ENPP3: variants seen among roughly 807,000 people sequenced by gnomAD.
The protein encoded by ENPP3 is ectonucleotide pyrophosphatase/phosphodiesterase 3.
ENPP3 carries 104 observed loss-of-function variants against 117.8 expected under a neutral mutation model. That is an observed-to-expected ratio of 0.88 (90% CI 0.75 to 1.04). The LOEUF is 1.04. Among genes scored for constraint, ENPP3 ranks in the 50% least tolerant of loss-of-function variants. The pLI, the probability that ENPP3 is intolerant of heterozygous loss-of-function variation, is 0.00. For missense variants in ENPP3, 1,026 were observed against 1,051.9 expected (o/e 0.98, Z 0.34); for synonymous variants, 380 against 349.9 (o/e 1.09, Z -0.96).
At chr6:131,726,908 A>G (rs1461862761) in intron 20 of ENPP3, among the ~76,000 whole-genome samples, 3 of 152,216 alleles carry the variant, frequency 2.0e-5, no homozygotes, top group Non-Finnish European at 1.5e-5. Context: ...TGTAGACCTA[A>G]ATAGGAACCG....
In ENPP3 at chr6:131,679,033, CTTTCT is replaced by C. The variant is rs1562446920; in HGVS notation, c.1011+1096_1011+1100del. Among the ~76,000 whole-genome samples the C allele has an allele frequency of 5.4e-3, 534 of 99,296 alleles. 3 individuals carry two copies. Among genetic ancestry groups the C allele is most frequent in the Middle Eastern group, 8.8e-3 (2 of 226 alleles). 65.1% of individuals were successfully genotyped at this position (99,296 alleles called of 152,430 possible). ...TCCTTCCTTCCTTCCTTCCTTCTTT[CTTTCT>C]TTCTTTCTTTCTTTCTTTCTTTCTT... is the stretch of plus-strand genomic sequence containing the variant. On this transcript the variant is annotated intron_variant, in intron 11 of 24. Coordinates refer to ENST00000357639, the MANE Select transcript of ENPP3 (RefSeq NM_005021.5).
At chr6:131,658,771 C>T (rs991071184) in intron 6 of ENPP3, among the ~76,000 whole-genome samples, 4 of 152,148 alleles carry the variant, frequency 2.6e-5, no homozygotes, top group African/African-American at 7.2e-5. Flanking sequence ...TAGCGAGAAC[C>T]GGATCCTGAA....
chr6:131,702,363 T>A (rs2531076), intron 15 of ENPP3, among the ~76,000 whole-genome samples: 27,695 of 139,620 alleles, frequency 0.2, 4,206 homozygotes, highest in African/African-American at 0.41. Context: ...CTCCACAGCA[T>A]ATATCTCACA....
At chr6:131,646,122 T>C (rs1013812130) in intron 2 of ENPP3, among the ~76,000 whole-genome samples, 2 of 152,206 alleles carry the variant, frequency 1.3e-5, no homozygotes, top group African/African-American at 4.8e-5. Context: ...ACCACAATTC[T>C]GCTTACCATA....
At chr6:131,717,214 A>G (rs1013222120) in intron 15 of ENPP3, among the ~76,000 whole-genome samples, 2 of 151,268 alleles carry the variant, frequency 1.3e-5, no homozygotes, top group African/African-American at 2.4e-5. Context: ...TTAATTTGTG[A>G]TTTATTTTTA....
intron 2 of ENPP3, among the ~76,000 whole-genome samples, chr6:131,649,822 T>C (rs975955576): frequency 2.0e-5 from 3 of 152,132 alleles, no homozygotes; most frequent in Admixed American, 6.6e-5. Flanking sequence ...TCACAAAGTG[T>C]TGTTATTACA....
intron 2 of ENPP3, among the ~76,000 whole-genome samples, chr6:131,643,763 T>A (rs1778100980): frequency 6.6e-6 from 1 of 152,200 alleles, no homozygotes; most frequent in Admixed American, 6.5e-5. Context: ...TTATTACAAT[T>A]ACTGGAGATG....
At chr6:131,738,233 C>A in intron 23 of ENPP3, 70 bp downstream of exon 23, 1 of 1,267,166 alleles carries the variant, frequency 7.9e-7, no homozygotes, top group Non-Finnish European at 1.1e-6. Context: ...TTAAGTAAAG[C>A]TCAGTATTTT....
intron 14 of ENPP3, among the ~76,000 whole-genome samples, chr6:131,692,836 TATG>T (rs1047400800): frequency 7.1e-6 from 1 of 141,426 alleles, no homozygotes; most frequent in Non-Finnish European, 1.5e-5. Flanking sequence ...GATATGTATA[TATG>T]ATATGATATA....
At chr6:131,711,660 TG>T (rs1322116066) in intron 15 of ENPP3, among the ~76,000 whole-genome samples, 2 of 117,428 alleles carry the variant, frequency 1.7e-5, no homozygotes, top group Non-Finnish European at 3.2e-5. Flanking sequence ...TGACATTTTT[TG>T]TTTTCTCTAT....
At chr6:131,686,293 C>T (rs1037043185) in intron 14 of ENPP3, among the ~76,000 whole-genome samples, 2 of 152,030 alleles carry the variant, frequency 1.3e-5, no homozygotes, top group African/African-American at 4.8e-5. Flanking sequence ...AAAAGATAAT[C>T]TCTTTACTCA....
chr6:131,684,195 T>C (rs12204520), intron 12 of ENPP3, among the ~76,000 whole-genome samples: 11,363 of 152,184 alleles, frequency 0.075, 822 homozygotes, highest in East Asian at 0.33. Context: ...AGACCAGCCA[T>C]GGGGCATGAG....
At chr6:131,662,450 C>G (rs1363435771) in intron 6 of ENPP3, among the ~76,000 whole-genome samples, 2 of 152,140 alleles carry the variant, frequency 1.3e-5, no homozygotes, top group African/African-American at 4.8e-5. Context: ...CCATGTTGTC[C>G]AGGCTGGTCT....
chr6:131,733,356 A>G (rs1266645668), intron 20 of ENPP3, among the ~76,000 whole-genome samples: 1 of 152,142 alleles, frequency 6.6e-6, no homozygotes, highest in Non-Finnish European at 1.5e-5. Context: ...CACTGTGCAA[A>G]TATTTTTTTC....
intron 2 of ENPP3, among the ~76,000 whole-genome samples, chr6:131,643,139 A>T (rs1457875390): frequency 6.6e-6 from 1 of 152,186 alleles, no homozygotes; most frequent in African/African-American, 2.4e-5. Context: ...AGTAGAACTG[A>T]AAAGTTGAAT....
intron 11 of ENPP3, among the ~76,000 whole-genome samples, chr6:131,679,026 C>CTTCCTTCCTTCCTTCT (rs1562446870): frequency 2.1e-5 from 1 of 47,862 alleles, no homozygotes; most frequent in Non-Finnish European, 3.7e-5. Flanking sequence ...TCCTTCCTTC[C>CTTCCTTCCTTCCTTCT]TTCTTTCTTT....
At position 131,747,358 on chromosome 6, in the gene ENPP3, C is replaced by G. The variant is rs1780658394; in HGVS notation, c.*402C>G. 2 of 152,566 alleles carry G rather than the reference C, an allele frequency of 1.3e-5. No homozygotes were observed. Among genetic ancestry groups the G allele is most frequent in the Admixed American group, 1.3e-4 (2 of 15,290 alleles). 9.5% of individuals were successfully genotyped at this position (152,566 alleles called of 1,614,324 possible). A position where few individuals can be genotyped will look rare whatever the true frequency, so the allele number is the denominator to read the frequency against. On this transcript the variant is annotated 3_prime_UTR_variant, in exon 25 of 25. Transcript: ENST00000357639. ...TGAATCAACTCTAAATCAGTTTTGT[C>G]ACAAAACTTTTTGTATTTGACTGGC... is the stretch of plus-strand genomic sequence containing the variant.
intron 6 of ENPP3, among the ~76,000 whole-genome samples, chr6:131,666,016 G>C (rs1778608863): frequency 6.6e-6 from 1 of 151,920 alleles, no homozygotes; most frequent in South Asian, 2.1e-4. Flanking sequence ...AAATTTTTCA[G>C]TTTTCCCTGT....
At chr6:131,647,047 T>C (rs1778167548) in intron 2 of ENPP3, among the ~76,000 whole-genome samples, 1 of 151,490 alleles carries the variant, frequency 6.6e-6, no homozygotes, top group Non-Finnish European at 1.5e-5. Flanking sequence ...CTAATTTTTG[T>C]ATGCTTTGTA....
Sources: allele counts gnomAD v4.1 joint callset (sites outside exome capture counted in the v4.1 genomes callset), GRCh38; gene constraint gnomAD v4.1.1; transcripts MANE v1.5; gene names NCBI Gene and HGNC (gene_info 2026-07-23, HGNC 2026-07-21).